UBAP2L: variants seen among roughly 807,000 people sequenced by gnomAD.
UBAP2L encodes the protein ubiquitin associated protein 2 like, also known as ubiquitin-associated protein 2-like.
In UBAP2L, 12 loss-of-function variants were observed where a neutral mutation model predicts 130.6. That is an observed-to-expected ratio of 0.09 (90% confidence interval 0.06 to 0.15). UBAP2L has a LOEUF of 0.15. Among genes scored for constraint, UBAP2L ranks in the 10% least tolerant of loss-of-function variants. UBAP2L has a pLI of 1.00. For synonymous variants in UBAP2L, 503 were observed against 524.7 expected, an observed-to-expected ratio of 0.96 and a Z score of 0.57; for missense variants, 965 against 1,332.5, an observed-to-expected ratio of 0.72 and a Z score of 4.29.
At chr1:154,267,878 GTC>G (rs1683759659) in intron 25 of UBAP2L, among the ~76,000 whole-genome samples, 3 of 62,734 alleles carry the variant, frequency 4.8e-5, no homozygotes, top group African/African-American at 1.7e-4. Flanking sequence ...CTCTTATTTG[GTC>G]TTTTTTTTTT....
intron 23 of UBAP2L, among the ~76,000 whole-genome samples, 190 bp from the exon 24 acceptor site, chr1:154,261,402 A>G (rs1413332417): frequency 5.3e-5 from 8 of 152,102 alleles, no homozygotes; most frequent in African/African-American, 1.7e-4. Context: ...TCTTCCTCCA[A>G]ACTACCATTT....
intron 4 of UBAP2L, among the ~76,000 whole-genome samples, chr1:154,232,661 G>C (rs1184620143): frequency 6.6e-6 from 1 of 152,072 alleles, no homozygotes; most frequent in East Asian, 1.9e-4. Flanking sequence ...ATCTCTTGGG[G>C]TCAGGGCTGC....
chr1:154,221,503 G>A (rs1666070810), intron 1 of UBAP2L: 1 of 152,912 alleles, frequency 6.5e-6, no homozygotes. Flanking sequence ...GTTTGGGGGT[G>A]GCGTGGGGGA....
rs1234403722 is a variant in UBAP2L at position 154,249,223 on chromosome 1, C to CT, written c.1015-13dup. 1.9e-6 allele frequency: 3 copies of CT among 1,613,356 alleles called. No homozygotes were observed. In the African/African-American group the frequency reaches 4.0e-5, roughly 22 times the overall value. On this transcript the variant is annotated splice_polypyrimidine_tract_variant and intron_variant, in intron 11 of 26. Coordinates refer to ENST00000428931, the MANE Select transcript of UBAP2L (RefSeq NM_014847.4). Reference sequence around the variant, plus strand: ...TACTGGCTGTAGGTTTCTCTCATCTCTTTGTTGATCTACAGGTGAGCATGT... The same window carrying CT: ...TACTGGCTGTAGGTTTCTCTCATCTCTTTTGTTGATCTACAGGTGAGCATGT...
chr1:154,268,767 A>G lies in UBAP2L; in HGVS notation c.2981A>G (p.Glu994Gly), dbSNP rs1258665037. Reference protein sequence around the residue: ...SVYSKTQQSFEKQGFHSGTPA... With the variant: ...SVYSKTQQSFGKQGFHSGTPA... ...TGGCCTCCTGGATAGCAGTCCTTTG[A>G]GAAACAAGGTTTTCATTCCGGTACT... is the stretch of plus-strand genomic sequence containing the variant. The change falls in exon 26 of 27, where the codon GAG (glutamate) becomes GGG (glycine). Residue 994 changes from glutamate to glycine, a missense_variant. Glu to Gly is a moderately conservative substitution (Grantham distance 98, BLOSUM62 -2). Transcript: ENST00000428931. 1 of 1,614,064 alleles carries G rather than the reference A, an allele frequency of 6.2e-7. No homozygotes were observed.
At position 154,260,900 on chromosome 1, in the gene UBAP2L, A is replaced by G; in HGVS notation, c.2587A>G (p.Thr863Ala). The change falls in exon 23 of 27, where the codon ACA becomes GCA. Residue 863 changes from threonine to alanine, a missense_variant. Thr to Ala is a moderately conservative substitution (Grantham distance 58). Coordinates refer to ENST00000428931, the MANE Select transcript of UBAP2L (RefSeq NM_014847.4). ...AGCTTCTCCTGTCACAGGTGACCTCACAAAGTTCGGCCGTGGGGATGCCTC... is the reference window on the plus strand; with the variant it reads ...AGCTTCTCCTGTCACAGGTGACCTCGCAAAGTTCGGCCGTGGGGATGCCTC... ...LASNPYSGDLTKFGRGDASSP... is the reference protein window; with the variant it reads ...LASNPYSGDLAKFGRGDASSP... 6.2e-7 allele frequency: 1 copy of G among 1,614,158 alleles called. No homozygotes were observed. Among genetic ancestry groups the G allele is most frequent in the Non-Finnish European group, 8.5e-7 (1 of 1,179,994 alleles).
intron 6 of UBAP2L, among the ~76,000 whole-genome samples, chr1:154,235,662 A>G (rs557817425): frequency 6.6e-6 from 1 of 152,276 alleles, no homozygotes; most frequent in East Asian, 1.9e-4. Flanking sequence ...AGCGTGCGTC[A>G]CTACGCCCAG....
At chr1:154,225,594 T>C (rs1026082492) in intron 2 of UBAP2L, among the ~76,000 whole-genome samples, 3 of 152,118 alleles carry the variant, frequency 2.0e-5, no homozygotes, top group Admixed American at 2.0e-4. Context: ...CTCAGCCTCC[T>C]GAGTAGCTGG....
intron 24 of UBAP2L, among the ~76,000 whole-genome samples, chr1:154,261,952 G>A (rs1681687715): frequency 1.3e-5 from 2 of 152,138 alleles, no homozygotes; most frequent in Admixed American, 1.3e-4. Flanking sequence ...TATGTTGGTT[G>A]GCCAAAAGTG....
At chr1:154,234,565 G>T in intron 4 of UBAP2L, 26 bp from the exon 5 acceptor site, 1 of 1,612,576 alleles carries the variant, frequency 6.2e-7, no homozygotes, top group Admixed American at 1.7e-5. Flanking sequence ...ATATTGATTA[G>T]ATATGAATGC....
At position 154,235,426 on chromosome 1, in the gene UBAP2L, C is replaced by G. The variant is rs1671320786; in HGVS notation, c.544+135C>G. 1.9e-5 allele frequency: 11 copies of G among 577,956 alleles called. No homozygotes were observed. In the East Asian group the frequency reaches 3.1e-4, roughly 16 times the overall value. The allele number at this position is 577,956 out of a possible 1,614,324, so 35.8% of individuals were successfully genotyped here. A position where few individuals can be genotyped will look rare whatever the true frequency, so the allele number is the denominator to read the frequency against. On this transcript the variant is annotated intron_variant, in intron 6 of 26. Coordinates refer to ENST00000428931, the MANE Select transcript of UBAP2L (RefSeq NM_014847.4). ...GGAGTGCAGTGGCACAGTCATAGCT[C>G]ACTGCAGCCTCAGACTCCTGGGCTC...
intron 11 of UBAP2L, among the ~76,000 whole-genome samples, chr1:154,248,801 G>GC (rs1258855474): frequency 6.6e-6 from 1 of 152,146 alleles, no homozygotes; most frequent in Non-Finnish European, 1.5e-5. Context: ...GGGTGACAGA[G>GC]CGAGACTCTG....
At chr1:154,253,853 T>TA (rs1306921327) in intron 14 of UBAP2L, 47 bp from the exon 15 acceptor site, 2 of 1,587,556 alleles carry the variant, frequency 1.3e-6, no homozygotes, top group Middle Eastern at 2.0e-4. Context: ...TATGAGTAGA[T>TA]ATGCTCTATT....
At chr1:154,251,764 G>A in intron 14 of UBAP2L, 111 bp downstream of exon 14, 1 of 1,227,406 alleles carries the variant, frequency 8.1e-7, no homozygotes, top group Non-Finnish European at 1.1e-6. Flanking sequence ...ATGGCTGAGG[G>A]GGAAAGTAGT....
At chr1:154,245,079 C>G (rs1674962355) in intron 10 of UBAP2L, among the ~76,000 whole-genome samples, 1 of 152,074 alleles carries the variant, frequency 6.6e-6, no homozygotes, top group South Asian at 2.1e-4. Flanking sequence ...TAGTAGGCAC[C>G]CGCCACCACG....
intron 15 of UBAP2L, 57 bp from the exon 16 acceptor site, chr1:154,254,779 C>A (rs1019842311): frequency 3.8e-6 from 6 of 1,561,092 alleles, no homozygotes; most frequent in Non-Finnish European, 4.3e-6. Context: ...TGCTAACTTT[C>A]CTCATTCACA....
At chr1:154,220,667 C>G (rs1055512730), upstream of UBAP2L, 5 of 551,244 alleles carry the variant, frequency 9.1e-6, no homozygotes, top group Non-Finnish European at 1.6e-5. Context: ...CGCTCAGACG[C>G]GGAACTACGA....
At chr1:154,269,631 G>A (rs139660133) in intron 26 of UBAP2L, 7 of 346,226 alleles carry the variant, frequency 2.0e-5, no homozygotes, top group East Asian at 1.6e-4. Flanking sequence ...GAAAACATTC[G>A]GTTACCAGAA....
Position 154,270,836 on chromosome 1 carries a change from A to G in UBAP2L, c.*541A>G. On this transcript the variant is annotated 3_prime_UTR_variant, in exon 27 of 27. Coordinates refer to ENST00000428931, the MANE Select transcript of UBAP2L (RefSeq NM_014847.4). ...ATTAATGTGTCTTGTATATATAAAA[A>G]GAAAACCTCTACCTTCAGCCTCTGC... The G allele has an allele frequency of 6.5e-7, 1 of 1,544,052 alleles. No homozygotes were observed. Among genetic ancestry groups the G allele is most frequent in the Non-Finnish European group, 8.7e-7 (1 of 1,145,722 alleles).
Sources: gnomAD v4.1 joint callset for allele counts (sites outside exome capture counted in the v4.1 genomes callset) on GRCh38, gnomAD v4.1.1 for gene constraint, MANE v1.5 for transcripts, NCBI Gene and HGNC (gene_info 2026-07-23, HGNC 2026-07-21) for gene names.